The following ZFP3 variants were observed in gnomAD, a reference collection of about 807,000 sequenced individuals.
ZFP3 encodes the protein ZFP3 zinc finger protein, also known as zinc finger protein 3 homolog.
Under a neutral mutation model 36.7 loss-of-function variants are expected in ZFP3, and 18 were observed. The observed-to-expected ratio is 0.49, with a 90% confidence interval of 0.34 to 0.73. The LOEUF (loss-of-function observed/expected upper bound fraction) is 0.73, where lower values mean the gene tolerates loss of function less well. Ranked by LOEUF, ZFP3 falls within the 30% of genes least tolerant of loss-of-function variation. The pLI, the probability that ZFP3 is intolerant of heterozygous loss-of-function variation, is 0.01. For missense variants in ZFP3, 495 were observed against 599.0 expected (o/e 0.83, Z 1.81); for synonymous variants, 218 against 199.0 (o/e 1.10, Z -0.81).
In ZFP3 at chr17:5,092,505, A is replaced by T; in HGVS notation, c.1001A>T (p.Asp334Val). Residue 334 changes from aspartate (D) to valine (V), a missense_variant, in exon 2 of 2, where the codon GAC (aspartate) becomes GTC (valine). Transcript: ENST00000318833. The surrounding 1 kb of genome is among the most constrained non-coding windows in gnomAD (Gnocchi z 5.0). ...LIRHQRIHTG[D>V]KPYECNECGK... is the part of the protein sequence containing the mutation. ...CGGCATCAGAGAATTCATACAGGGGACAAACCCTATGAATGTAATGAATGT... is the reference window on the plus strand; with the variant it reads ...CGGCATCAGAGAATTCATACAGGGGTCAAACCCTATGAATGTAATGAATGT... The T allele has an allele frequency of 6.2e-7, 1 of 1,614,192 alleles. No individual in the cohort carries two copies. The highest frequency in any genetic ancestry group is 1.1e-5 in the South Asian group (1 of 91,084).
intron 1 of ZFP3, among the ~76,000 whole-genome samples, chr17:5,090,805 G>A (rs1430574265): frequency 1.3e-5 from 2 of 151,966 alleles, no homozygotes; most frequent in Non-Finnish European, 2.9e-5. Flanking sequence ...CAAGAAGCTG[G>A]GACTACAGGT....
chr17:5,094,440 C>G lies in ZFP3; in HGVS notation c.*1427C>G, dbSNP rs2072169213. 6.0e-6 allele frequency: 1 copy of G among 167,072 alleles called. No individual in the cohort carries two copies. The highest frequency in any genetic ancestry group is 2.4e-5 in the African/African-American group (1 of 41,442). 10.3% of individuals were successfully genotyped at this position (167,072 alleles called of 1,614,324 possible). On this transcript the variant is annotated 3_prime_UTR_variant, in exon 2 of 2. Transcript: ENST00000318833. ...GAAACAGCCTACATTTTCCATGTGT[C>G]CATGTTTCTGAGGCCGTGGGTGACA... is the stretch of plus-strand genomic sequence containing the variant.
rs181049273 is a variant in ZFP3 at position 5,092,659 on chromosome 17, A to G, written c.1155A>G (p.Arg385=). 2.7e-5 allele frequency: 44 copies of G among 1,614,146 alleles called. No homozygotes were observed. In the East Asian group the frequency reaches 8.0e-4, roughly 29 times the overall value. Residue 385 remains arginine (R), a synonymous_variant, in exon 2 of 2, where the codon AGA becomes AGG. Coordinates refer to ENST00000318833, the MANE Select transcript of ZFP3 (RefSeq NM_153018.3). The surrounding 1 kb of genome is among the most constrained non-coding windows in gnomAD (Gnocchi z 5.0). ...RGNSELLRHE[R]IHTGEKPYEC... is the part of the protein sequence containing the mutation. ...ACTCAGAACTTCTTAGACATGAGAG[A>G]ATTCACACTGGAGAGAAACCCTATG...
intron 1 of ZFP3, among the ~76,000 whole-genome samples, chr17:5,079,003 G>T (rs1597901442): frequency 2.0e-5 from 3 of 152,210 alleles, no homozygotes; most frequent in African/African-American, 4.8e-5. Context: ...GGCTTATGAG[G>T]GGTGGTCGTG....
At position 5,093,086 on chromosome 17, in the gene ZFP3, T is replaced by C. The variant is rs2072159530; in HGVS notation, c.*73T>C. 7.0e-7 allele frequency: 1 copy of C among 1,430,828 alleles called. No individual in the cohort carries two copies. Among genetic ancestry groups the C allele is most frequent in the South Asian group, 1.5e-5 (1 of 68,710 alleles). 88.6% of individuals were successfully genotyped at this position (1,430,828 alleles called of 1,614,324 possible). ...TTCATTTGTTCATAATATGCAAATA[T>C]GCACCCCAAGTATTCAAATCCAATG... On this transcript the variant is annotated 3_prime_UTR_variant, in exon 2 of 2. Transcript: ENST00000318833.
At position 5,092,861 on chromosome 17, in the gene ZFP3, G is replaced by C. The variant is rs751647859; in HGVS notation, c.1357G>C (p.Glu453Gln). ...HIGEKPYECS[E>Q]CEKTFSQHSQ... ...TGGAGAGAAACCTTATGAATGTAGC[G>C]AGTGTGAGAAAACATTTAGCCAGCA... The change falls in exon 2 of 2, where the codon GAG becomes CAG. Residue 453 changes from glutamate (E) to glutamine (Q), a missense_variant. Physicochemically the swap from Glu to Gln is conservative, Grantham distance 29 (BLOSUM62 2). Coordinates refer to ENST00000318833, the MANE Select transcript of ZFP3 (RefSeq NM_153018.3). This position sits in a 1 kb window ranked among gnomAD's most constrained non-coding sequence, Gnocchi z 5.0. 6.2e-7 allele frequency: 1 copy of C among 1,614,124 alleles called. No homozygotes were observed. The highest frequency in any genetic ancestry group is 1.7e-5 in the Admixed American group (1 of 60,016).
At chr17:5,081,351 C>T (rs1352622986) in intron 1 of ZFP3, among the ~76,000 whole-genome samples, 1 of 152,072 alleles carries the variant, frequency 6.6e-6, no homozygotes, top group Non-Finnish European at 1.5e-5. Flanking sequence ...TGGCCTCTTG[C>T]TTGCCCACTT....
Position 5,091,996 on chromosome 17 carries a change from T to G in ZFP3, c.492T>G (p.Ser164Arg). The G allele has an allele frequency of 6.2e-7, 1 of 1,614,192 alleles. No individual in the cohort carries two copies. The highest frequency in any genetic ancestry group is 1.1e-5 in the South Asian group (1 of 91,082). The change falls in exon 2 of 2, where the codon AGT (serine) becomes AGG (arginine). Residue 164 changes from serine (S) to arginine (R), a missense_variant. Transcript: ENST00000318833. ...TCATCCAGCATATGAGAGTTCATAGTGGAGAAAAACCCTTTGAATGTAAAG... is the reference window on the plus strand; with the variant it reads ...TCATCCAGCATATGAGAGTTCATAGGGGAGAAAAACCCTTTGAATGTAAAG... ...SHLIQHMRVH[S>R]GEKPFECKEC... is the part of the protein sequence containing the mutation.
rs8068849 is a variant in ZFP3 at position 5,094,240 on chromosome 17, T to G, written c.*1227T>G. 0.016 allele frequency: 2,659 copies of G among 167,226 alleles called. 84 individuals are homozygous for G. The highest frequency in any genetic ancestry group is 0.061 in the African/African-American group (2,518 of 41,578). The allele number at this position is 167,226 out of a possible 1,614,324, so 10.4% of individuals were successfully genotyped here. On this transcript the variant is annotated 3_prime_UTR_variant, in exon 2 of 2. Transcript: ENST00000318833. ...TTGAATAACTTTAAAAAAATAGAGA[T>G]AAAGTCTTGCTATGTTGCCCAGGCT...
intron 1 of ZFP3, among the ~76,000 whole-genome samples, chr17:5,090,638 C>T (rs944570467): frequency 6.6e-6 from 1 of 152,130 alleles, no homozygotes; most frequent in Admixed American, 6.6e-5. Context: ...GTTACTTCCC[C>T]TGTACACCCA....
Position 5,095,438 on chromosome 17 carries a change from A to T in ZFP3, c.*2425A>T, listed in dbSNP as rs1482261209. 6.0e-6 allele frequency: 1 copy of T among 166,948 alleles called. No homozygotes were observed. Among genetic ancestry groups the T allele is most frequent in the East Asian group, 1.9e-4 (1 of 5,200 alleles). 10.3% of individuals were successfully genotyped at this position (166,948 alleles called of 1,614,324 possible). A position where few individuals can be genotyped will look rare whatever the true frequency, so the allele number is the denominator to read the frequency against. ...CGTATCTTTCTCACATGAAACCTGG[A>T]TCTCACCTATCCCTTCCATGCCTGA... On this transcript the variant is annotated 3_prime_UTR_variant, in exon 2 of 2. Transcript: ENST00000318833.
rs144200829 is a variant in ZFP3 at position 5,095,614 on chromosome 17, A to T, written c.*2601A>T. ...ACTGAAGATAGTGTGTAAGCAAAGG[A>T]GAAGAGTTCACATTGTGCATCCTAT... On this transcript the variant is annotated 3_prime_UTR_variant, in exon 2 of 2. Coordinates refer to ENST00000318833, the MANE Select transcript of ZFP3 (RefSeq NM_153018.3). 1.2e-5 allele frequency: 2 copies of T among 167,024 alleles called. No homozygotes were observed. Among genetic ancestry groups the T allele is most frequent in the African/African-American group, 2.4e-5 (1 of 41,522 alleles). 10.3% of individuals were successfully genotyped at this position (167,024 alleles called of 1,614,324 possible).
intron 1 of ZFP3, among the ~76,000 whole-genome samples, chr17:5,090,193 T>C (rs532847521): frequency 6.6e-6 from 1 of 152,136 alleles, no homozygotes; most frequent in Admixed American, 6.6e-5. Context: ...TGGGAAGATA[T>C]GAGAATAGAC....
At chr17:5,082,638 C>T (rs2072100384) in intron 1 of ZFP3, among the ~76,000 whole-genome samples, 1 of 152,080 alleles carries the variant, frequency 6.6e-6, no homozygotes. Flanking sequence ...GGTGATCCTC[C>T]CACCTCAGCT....
At position 5,092,792 on chromosome 17, in the gene ZFP3, T is replaced by C; in HGVS notation, c.1288T>C (p.Phe430Leu). The change falls in exon 2 of 2, where the codon TTT (phenylalanine) becomes CTT (leucine). Residue 430 changes from phenylalanine to leucine, a missense_variant. Transcript: ENST00000318833. This position sits in a 1 kb window ranked among gnomAD's most constrained non-coding sequence, Gnocchi z 5.0. ...TCAATGTAATGAGTGTGCAAGAACC[T>C]TTTGGGATAATTCTGAGCTGCTTCT... ...PHQCNECART[F>L]WDNSELLLHQ... 1 of 1,614,132 alleles carries C rather than the reference T, an allele frequency of 6.2e-7. No individual in the cohort carries two copies. The highest frequency in any genetic ancestry group is 8.5e-7 in the Non-Finnish European group (1 of 1,180,018).
intron 1 of ZFP3, among the ~76,000 whole-genome samples, chr17:5,081,363 C>G (rs1408716727): frequency 2.0e-5 from 3 of 152,090 alleles, no homozygotes; most frequent in Non-Finnish European, 4.4e-5. Flanking sequence ...TGCCCACTTT[C>G]TGTCCGGAAT....
chr17:5,090,005 TAA>T (rs1165140636), intron 1 of ZFP3, among the ~76,000 whole-genome samples: 1 of 152,134 alleles, frequency 6.6e-6, no homozygotes, highest in African/African-American at 2.4e-5. Context: ...GAAAATACTA[TAA>T]GAGAGCTGAT....
At chr17:5,081,810 G>A (rs931331576) in intron 1 of ZFP3, among the ~76,000 whole-genome samples, 1 of 150,720 alleles carries the variant, frequency 6.6e-6, no homozygotes, top group African/African-American at 2.4e-5. Flanking sequence ...ACCGTAATAG[G>A]CAGGATGGTC....
At chr17:5,088,637 A>G (rs111965854) in intron 1 of ZFP3, among the ~76,000 whole-genome samples, 2,232 of 150,418 alleles carry the variant, frequency 0.015, 54 homozygotes, top group African/African-American at 0.051. Context: ...TTTAGTAGAG[A>G]CGGGGTTTCA....
Sources: allele counts gnomAD v4.1 joint callset (sites outside exome capture counted in the v4.1 genomes callset), GRCh38; gene constraint gnomAD v4.1.1; non-coding constraint Gnocchi (gnomAD v3.1); transcripts MANE v1.5; gene names NCBI Gene and HGNC (gene_info 2026-07-23, HGNC 2026-07-21).